Variants in EPAS1 observed in about 807,000 individuals in gnomAD.
EPAS1 encodes endothelial PAS domain-containing protein 1.
EPAS1 carries 23 observed loss-of-function variants against 87.9 expected under a neutral mutation model. That is an observed-to-expected ratio of 0.26 (90% CI 0.19 to 0.37). The LOEUF is 0.37. EPAS1 is among the 10% of genes least tolerant of loss of function. The probability of loss-of-function intolerance (pLI) is 1.00; values close to 1 mark genes in which losing one functional copy is unlikely to be tolerated. For synonymous variants in EPAS1, 508 were observed against 444.3 expected, an observed-to-expected ratio of 1.14 and a Z score of -1.80; for missense variants, 1,138 against 1,120.7, an observed-to-expected ratio of 1.02 and a Z score of -0.22.
At chr2:46,376,404 T>C in intron 8 of EPAS1, 135 bp from the exon 9 acceptor site, 1 of 826,678 alleles carries the variant, frequency 1.2e-6, no homozygotes, top group Non-Finnish European at 2.1e-6. Flanking sequence ...GTATGGTTCT[T>C]TATAAGACGC....
intron 1 of EPAS1, among the ~76,000 whole-genome samples, chr2:46,330,516 T>C (rs1572623830): frequency 6.6e-6 from 1 of 152,244 alleles, no homozygotes; most frequent in African/African-American, 2.4e-5. Context: ...TTCTCTAGAA[T>C]TGGCAACTTA....
Position 46,380,084 on chromosome 2 carries a change from G to A in EPAS1, c.1555-143G>A. The A allele has an allele frequency of 1.5e-6, 2 of 1,354,396 alleles. No homozygotes were observed. Among genetic ancestry groups the A allele is most frequent in the South Asian group, 2.3e-5 (2 of 85,244 alleles). The allele number at this position is 1,354,396 out of a possible 1,614,324, so 83.9% of individuals were successfully genotyped here. On this transcript the variant is annotated intron_variant, in intron 11 of 15. Coordinates refer to ENST00000263734, the MANE Select transcript of EPAS1 (RefSeq NM_001430.5). The surrounding 1 kb of genome is among the most constrained non-coding windows in gnomAD (Gnocchi z 4.4). ...AGCCAAGTCTGAGGTTTTCCTGATA[G>A]GCCCTCGGGAGCCAGTGGAGGCGTT...
In EPAS1 at chr2:46,378,111, G is replaced by GAC. The variant is rs769535164; in HGVS notation, c.1443+28_1443+29dup. 7 of 1,576,194 alleles carry GAC rather than the reference G, an allele frequency of 4.4e-6. No homozygotes were observed. The East Asian group carries it at 1.4e-4, about 31-fold the overall frequency. ...CGGTGAGCAGCCCTCTTATGGCGAG[G>GAC]ACACAGAGAGGGCTCCGTATGTATG... On this transcript the variant is annotated intron_variant, in intron 10 of 15. Transcript: ENST00000263734.
At position 46,376,621 on chromosome 2, in the gene EPAS1, A is replaced by T. The variant is rs1684753825; in HGVS notation, c.1117A>T (p.Ile373Phe). The T allele has an allele frequency of 6.2e-7, 1 of 1,614,078 alleles. No individual in the cohort carries two copies. The change falls in exon 9 of 16, where the codon ATC (isoleucine) becomes TTC (phenylalanine). Residue 373 changes from isoleucine (I) to phenylalanine (F), a missense_variant. Ile to Phe is a conservative substitution (Grantham distance 21). Transcript: ENST00000263734. ...GCCCCACCTGATGGCCATGAACAGC[A>T]TCTTTGATAGCAGTGGCAAGGGGGC... ...FKPHLMAMNS[I>F]FDSSGKGAVS...
chr2:46,382,948 G>A (rs1684934807), intron 15 of EPAS1, among the ~76,000 whole-genome samples: 1 of 152,234 alleles, frequency 6.6e-6, no homozygotes, highest in Non-Finnish European at 1.5e-5. Context: ...GTTGACAGGA[G>A]CACTTTCAGA....
intron 1 of EPAS1, among the ~76,000 whole-genome samples, chr2:46,326,762 A>C (rs565839320): frequency 6.6e-6 from 1 of 152,178 alleles, no homozygotes; most frequent in Non-Finnish European, 1.5e-5. Context: ...GGAAGGGGTA[A>C]GACGAGCATA....
chr2:46,309,098 G>A (rs924619794), intron 1 of EPAS1, among the ~76,000 whole-genome samples: 2 of 152,218 alleles, frequency 1.3e-5, no homozygotes, highest in Non-Finnish European at 2.9e-5. Flanking sequence ...ATTATTTGTA[G>A]ACTGAGTAAT....
chr2:46,352,209 T>C (rs6743087), intron 2 of EPAS1, among the ~76,000 whole-genome samples: 57,098 of 152,024 alleles, frequency 0.38, 12,091 homozygotes, highest in East Asian at 0.8. Context: ...TGGTGGCTTA[T>C]TGAGCACCTA....
chr2:46,384,036 G>C (rs765999195), intron 15 of EPAS1, among the ~76,000 whole-genome samples: 1 of 152,150 alleles, frequency 6.6e-6, no homozygotes, highest in African/African-American at 2.4e-5. Context: ...CTGCCTCCTC[G>C]GCAAGAGAAT....
At position 46,300,394 on chromosome 2, in the gene EPAS1, A is replaced by G. The variant is rs1682973510; in HGVS notation, c.26+2457A>G. Among the ~76,000 whole-genome samples the G allele has an allele frequency of 6.6e-6, 1 of 152,216 alleles. No individual in the cohort carries two copies. Among genetic ancestry groups the G allele is most frequent in the East Asian group, 1.9e-4 (1 of 5,200 alleles). On this transcript the variant is annotated intron_variant, in intron 1 of 15. Coordinates refer to ENST00000263734, the MANE Select transcript of EPAS1 (RefSeq NM_001430.5). The surrounding 1 kb of genome is among the most constrained non-coding windows in gnomAD (Gnocchi z 4.1). ...AACATTTGGAATATTCGTTCTAACA[A>G]TGGCCCGTCAAGAAGTGGGCAGATG... is the stretch of plus-strand genomic sequence containing the variant.
At position 46,346,328 on chromosome 2, in the gene EPAS1, G is replaced by A. The variant is rs1025927296; in HGVS notation, c.27-545G>A. Among the ~76,000 whole-genome samples, 1 of 152,200 alleles carries A rather than the reference G, an allele frequency of 6.6e-6. No homozygotes were observed. Among genetic ancestry groups the A allele is most frequent in the Non-Finnish European group, 1.5e-5 (1 of 68,030 alleles). On this transcript the variant is annotated intron_variant, in intron 1 of 15. Transcript: ENST00000263734. This position sits in a 1 kb window ranked among gnomAD's most constrained non-coding sequence, Gnocchi z 4.0. ...TGGCTAACTGTTCTGGGGCTGTAAT[G>A]GCATTTTCAGTTTTTACTGTGGAAA... is the stretch of plus-strand genomic sequence containing the variant.
chr2:46,376,105 G>A (rs925779440), intron 8 of EPAS1, among the ~76,000 whole-genome samples: 6 of 152,108 alleles, frequency 3.9e-5, no homozygotes, highest in African/African-American at 1.4e-4. Context: ...TGGGGAGGCA[G>A]ATAGCACACA....
At chr2:46,365,273 C>A (rs1410928246) in intron 6 of EPAS1, among the ~76,000 whole-genome samples, 1 of 152,104 alleles carries the variant, frequency 6.6e-6, no homozygotes, top group African/African-American at 2.4e-5. Context: ...GTAAAAATTT[C>A]AAATCAACAA....
rs1684375205 is a variant in EPAS1, at chr2:46,361,029, G to A, written c.718G>A (p.Asp240Asn). The change falls in exon 6 of 16, where the codon GAT (aspartate) becomes AAT (asparagine). Residue 240 changes from aspartate (D) to asparagine (N), a missense_variant. Coordinates refer to ENST00000263734, the MANE Select transcript of EPAS1 (RefSeq NM_001430.5). ...CCCATCCCACATGGACATCCCCCTG[G>A]ATAGCAAGACCTTCCTGAGCCGCCA... ...QHPSHMDIPL[D>N]SKTFLSRHSM... is the part of the protein sequence containing the mutation. 2.5e-6 allele frequency: 4 copies of A among 1,614,108 alleles called. No individual in the cohort carries two copies. Among genetic ancestry groups the A allele is most frequent in the Non-Finnish European group, 3.4e-6 (4 of 1,180,022 alleles).
intron 1 of EPAS1, among the ~76,000 whole-genome samples, chr2:46,344,076 T>G (rs905586125): frequency 6.6e-6 from 1 of 152,264 alleles, no homozygotes; most frequent in Non-Finnish European, 1.5e-5. Context: ...ACATATTATT[T>G]CTGAGCGTCA....
chr2:46,344,259 T>C (rs1187337994), intron 1 of EPAS1, among the ~76,000 whole-genome samples: 1 of 152,242 alleles, frequency 6.6e-6, no homozygotes, highest in African/African-American at 2.4e-5. Flanking sequence ...GCCTTTTCCC[T>C]ACCTGGCTTT....
chr2:46,312,800 C>A (rs1055355003), intron 1 of EPAS1, among the ~76,000 whole-genome samples: 1 of 152,194 alleles, frequency 6.6e-6, no homozygotes, highest in African/African-American at 2.4e-5. Flanking sequence ...AAGGACACTT[C>A]CAGGATTCTA....
chr2:46,380,410 C>G lies in EPAS1; in HGVS notation c.1738C>G (p.His580Asp). Residue 580 changes from histidine (H) to aspartate (D), a missense_variant, in exon 12 of 16, where the codon CAC (histidine) becomes GAC (aspartate). Transcript: ENST00000263734. This position sits in a 1 kb window ranked among gnomAD's most constrained non-coding sequence, Gnocchi z 4.4. Reference sequence around the variant, plus strand: ...CCAGCCACTGGCCCCTGTAGCCCCGCACAGTCCCTTCCTCCTGGACAAGTT... The same window carrying G: ...CCAGCCACTGGCCCCTGTAGCCCCGGACAGTCCCTTCCTCCTGGACAAGTT... ...IFQPLAPVAP[H>D]SPFLLDKFQQ... is the part of the protein sequence containing the mutation. 1 of 1,614,204 alleles carries G rather than the reference C, an allele frequency of 6.2e-7. No individual in the cohort carries two copies. Among genetic ancestry groups the G allele is most frequent in the Non-Finnish European group, 8.5e-7 (1 of 1,180,040 alleles).
rs532447507 is a variant in EPAS1 at position 46,376,414 on chromosome 2, C to G, written c.1035-125C>G. ...CTATTGTATGGTTCTTTATAAGACG[C>G]CAATGCCTGGAGTCCTACCCATTTT... On this transcript the variant is annotated intron_variant, in intron 8 of 15. Transcript: ENST00000263734. The G allele has an allele frequency of 9.5e-5, 84 of 882,696 alleles. No individual in the cohort carries two copies. The African/African-American group carries it at 1.3e-3, about 13-fold the overall frequency. The allele number at this position is 882,696 out of a possible 1,614,324, so 54.7% of individuals were successfully genotyped here. A position where few individuals can be genotyped will look rare whatever the true frequency, so the allele number is the denominator to read the frequency against.
Sources: allele counts gnomAD v4.1 joint callset (sites outside exome capture counted in the v4.1 genomes callset), GRCh38; gene constraint gnomAD v4.1.1; non-coding constraint Gnocchi (gnomAD v3.1); transcripts MANE v1.5; gene names NCBI Gene and HGNC (gene_info 2026-07-23, HGNC 2026-07-21).